The following P2RX6 variants were observed in gnomAD, a reference collection of about 807,000 sequenced individuals.
P2RX6 encodes the protein purinergic receptor P2X 6, also known as P2X purinoceptor 6.
P2RX6 carries 62 observed loss-of-function variants against 54.2 expected under a neutral mutation model. The observed-to-expected ratio is 1.14, with a 90% CI of 0.93 to 1.41. P2RX6 has a LOEUF of 1.41. P2RX6 is among the 40% of genes most tolerant of loss of function. The probability of loss-of-function intolerance (pLI) is 0.00; values close to 1 mark genes in which losing one functional copy is unlikely to be tolerated. For synonymous variants in P2RX6, 211 were observed against 231.9 expected (o/e 0.91, Z 0.82); for missense variants, 541 against 566.3 (o/e 0.96, Z 0.45).
chr22:21,026,600 C>T lies in P2RX6; in HGVS notation c.1309C>T (p.His437Tyr), dbSNP rs1318803768. The change falls in exon 12 of 12, where the codon CAT becomes TAT. Residue 437 changes from histidine to tyrosine, a missense_variant. His to Tyr is a moderately conservative substitution (Grantham distance 83). This residue lies in a region of P2RX6 where 526 missense variants were observed against 531.5 expected (regional missense o/e 0.99). Transcript: ENST00000413302. This position sits in a 1 kb window ranked among gnomAD's most constrained non-coding sequence, Gnocchi z 4.0. The part of the protein sequence containing the change: ...CPSSDTHLPT[H>Y]SGSL Reference sequence around the variant, plus strand: ...AAGTTCTGACACCCACTTGCCAACCCATTCCGGGAGCCTGTAGCCGTTCCC... The same window carrying T: ...AAGTTCTGACACCCACTTGCCAACCTATTCCGGGAGCCTGTAGCCGTTCCC... 6.3e-7 allele frequency: 1 copy of T among 1,586,574 alleles called. No homozygotes were observed. The highest frequency in any genetic ancestry group is 1.8e-5 in the Admixed American group (1 of 56,184).
Position 21,023,134 on chromosome 22 carries a change from C to T in P2RX6, c.574C>T (p.Gln192Ter). The T allele has an allele frequency of 6.2e-7, 1 of 1,613,914 alleles. No homozygotes were observed. Among genetic ancestry groups the T allele is most frequent in the Non-Finnish European group, 8.5e-7 (1 of 1,179,846 alleles). ...GVVPSRPLLA[Q>*]AQNFTLFIKN... ...CACCTGCAGGAGGCCCCTGCTGGCC[C>T]AGGCCCAGAACTTCACACTGTTCAT... The change falls in exon 6 of 12, where the codon CAG becomes TAG. Residue 192 changes from glutamine to a stop codon, truncating the protein, a stop_gained. Coordinates refer to ENST00000413302, the MANE Select transcript of P2RX6 (RefSeq NM_005446.5). LOFTEE classifies it high-confidence loss of function.
chr22:21,014,629 G>A (rs1470164935), upstream of P2RX6, among the ~76,000 whole-genome samples: 1 of 152,150 alleles, frequency 6.6e-6, no homozygotes. Context: ...GGCGGGGGCA[G>A]CTTTTCAGGA....
At position 21,022,863 on chromosome 22, in the gene P2RX6, C is replaced by T. The variant is rs1927670621; in HGVS notation, c.464-79C>T. The T allele has an allele frequency of 6.7e-6, 10 of 1,500,956 alleles. No homozygotes were observed. The East Asian group carries it at 2.3e-4, about 34-fold the overall frequency. 93.0% of individuals were successfully genotyped at this position (1,500,956 alleles called of 1,614,324 possible). On this transcript the variant is annotated intron_variant, in intron 4 of 11. Coordinates refer to ENST00000413302, the MANE Select transcript of P2RX6 (RefSeq NM_005446.5). ...CGCCTCTGTCCCTGCATCTCTCTTTCTGCCAACAACCCCCTGGCTGAAGGC... is the reference window on the plus strand; with the variant it reads ...CGCCTCTGTCCCTGCATCTCTCTTTTTGCCAACAACCCCCTGGCTGAAGGC...
In P2RX6 at chr22:21,025,841, G is replaced by A; in HGVS notation, c.927G>A (p.Glu309=). 1 of 1,567,236 alleles carries A rather than the reference G, an allele frequency of 6.4e-7. No homozygotes were observed. The highest frequency in any genetic ancestry group is 8.6e-7 in the Non-Finnish European group (1 of 1,156,450). The change falls in exon 9 of 12, where the codon GAG becomes GAA. Residue 309 remains glutamate, a synonymous_variant. Transcript: ENST00000413302. ...ATHWWEQPGV[E]ARTLLKLYGI... ...ACTGGTGGGAGCAACCGGGTGTGGA[G>A]GCCCGCACCCTGCTCAAGCTCTATG...
intron 3 of P2RX6, among the ~76,000 whole-genome samples, chr22:21,019,382 C>T (rs755357958): frequency 1.3e-5 from 2 of 152,186 alleles, no homozygotes; most frequent in African/African-American, 2.4e-5. Flanking sequence ...ATGGCACGAT[C>T]TCGGCTCACT....
upstream of P2RX6, chr22:21,015,060 G>A: frequency 1.7e-6 from 1 of 598,582 alleles, no homozygotes; most frequent in South Asian, 2.5e-5. Context: ...GGTGTTGGAG[G>A]CTGGATCTGG....
At position 21,023,591 on chromosome 22, in the gene P2RX6, A is replaced by G; in HGVS notation, c.863A>G (p.Gln288Arg). The change falls in exon 8 of 12, where the codon CAG becomes CGG. Residue 288 changes from glutamine to arginine, a missense_variant. Gln to Arg is a conservative substitution (Grantham distance 43, BLOSUM62 1). Coordinates refer to ENST00000413302, the MANE Select transcript of P2RX6 (RefSeq NM_005446.5). ...GGCTGCTGGCCTCACTACTCCTTCC[A>G]GCTGCAGGAGAAGAGCTACAACTTC... ...DSGCWPHYSF[Q>R]LQEKSYNFRT... 6.2e-7 allele frequency: 1 copy of G among 1,611,724 alleles called. No homozygotes were observed. Among genetic ancestry groups the G allele is most frequent in the South Asian group, 1.1e-5 (1 of 90,548 alleles).
upstream of P2RX6, chr22:21,012,493 ACGCCTGCC>A (rs1403494247): frequency 3.7e-6 from 2 of 536,874 alleles, no homozygotes; most frequent in African/African-American, 1.9e-5. Context: ...GGGAGGACTC[ACGCCTGCC>A]CACCTGCCCC....
rs1234264680 is a variant in P2RX6 at position 21,023,005 on chromosome 22, G to C, written c.527G>C (p.Trp176Ser). ...GTHRTCEIWS[W>S]CPVESGVVPS... ...CACAGGACCTGTGAGATCTGGAGTT[G>C]GTGCCCCGTGGAGAGTGGCGTTGTG... The change falls in exon 5 of 12, where the codon TGG becomes TCG. Residue 176 changes from tryptophan (W) to serine (S), a missense_variant. Trp to Ser is a radical substitution (Grantham distance 177). Around this residue, in one of 2 missense-constraint regions of P2RX6, gnomAD observed 526 missense variants for 531.5 expected, o/e 0.99. Transcript: ENST00000413302. 1 of 1,613,452 alleles carries C rather than the reference G, an allele frequency of 6.2e-7. No homozygotes were observed. The highest frequency in any genetic ancestry group is 1.1e-5 in the South Asian group (1 of 91,064).
At chr22:21,020,068 T>G (rs1601759392) in intron 3 of P2RX6, among the ~76,000 whole-genome samples, 1 of 152,336 alleles carries the variant, frequency 6.6e-6, no homozygotes, top group East Asian at 1.9e-4. Flanking sequence ...CTTCCCAACA[T>G]GAGCCACTGT....
Position 21,026,132 on chromosome 22 carries a change from T to C in P2RX6, c.1050+56T>C. ...CTGCAGTGAGTGCTGCTGACCAGGG[T>C]GTGTCCAATGCATGCTGGAGCCTCC... On this transcript the variant is annotated intron_variant, in intron 10 of 11. Coordinates refer to ENST00000413302, the MANE Select transcript of P2RX6 (RefSeq NM_005446.5). The surrounding 1 kb of genome is among the most constrained non-coding windows in gnomAD (Gnocchi z 4.0). 6.4e-7 allele frequency: 1 copy of C among 1,559,346 alleles called. No individual in the cohort carries two copies. The highest frequency in any genetic ancestry group is 1.2e-5 in the South Asian group (1 of 86,312).
At chr22:21,022,623 T>C (rs573678650) in intron 3 of P2RX6, 53 bp from the exon 4 acceptor site, 2 of 1,339,166 alleles carry the variant, frequency 1.5e-6, no homozygotes, top group Admixed American at 5.7e-5. Context: ...GACTGGGCTG[T>C]GGAGGGGAGA....
At chr22:21,016,450 A>G (rs1196079515) in intron 2 of P2RX6, among the ~76,000 whole-genome samples, 5 of 151,966 alleles carry the variant, frequency 3.3e-5, no homozygotes, top group Non-Finnish European at 7.4e-5. Flanking sequence ...TTAGCCGGGC[A>G]TGGTGGTGGG....
chr22:21,023,959 GT>G (rs35808816), intron 8 of P2RX6, among the ~76,000 whole-genome samples: 59,303 of 142,200 alleles, frequency 0.42, 13,455 homozygotes, highest in East Asian at 0.87. Flanking sequence ...CTTCAGCTTT[GT>G]TTTTTTTTTT....
chr22:21,011,564 C>T (rs1925738061), upstream of P2RX6: 4 of 715,472 alleles, frequency 5.6e-6, no homozygotes, highest in South Asian at 5.9e-5. Flanking sequence ...CCTGCCACTC[C>T]CAGCTGGTTC....
chr22:21,023,133 C>G lies in P2RX6; in HGVS notation c.573C>G (p.Ala191=). The change falls in exon 6 of 12, where the codon GCC becomes GCG. Residue 191 remains alanine, a synonymous_variant. Transcript: ENST00000413302. ...SGVVPSRPLL[A]QAQNFTLFIK... is the part of the protein sequence containing the mutation. ...CCACCTGCAGGAGGCCCCTGCTGGC[C>G]CAGGCCCAGAACTTCACACTGTTCA... 1.2e-5 allele frequency: 20 copies of G among 1,613,938 alleles called. No homozygotes were observed. The highest frequency in any genetic ancestry group is 1.6e-5 in the Non-Finnish European group (19 of 1,179,846).
Position 21,015,259 on chromosome 22 carries a change from A to T in P2RX6, c.85A>T (p.Lys29Ter), listed in dbSNP as rs148541070. The change falls in exon 1 of 12, where the codon AAG becomes TAG. Residue 29 changes from lysine (K) to a stop codon, truncating the protein, a stop_gained. Coordinates refer to ENST00000413302, the MANE Select transcript of P2RX6 (RefSeq NM_005446.5). LOFTEE classifies it high-confidence loss of function. Reference sequence around the variant, plus strand: ...GGGGCTTCTGGATTATAAGACGGAGAAGTATGTGATGACCAGGAACTGGCG... The same window carrying T: ...GGGGCTTCTGGATTATAAGACGGAGTAGTATGTGATGACCAGGAACTGGCG... ...GWGLLDYKTE[K>*]YVMTRNWRVG... is the part of the protein sequence containing the mutation. 5.2e-3 allele frequency: 7,976 copies of T among 1,540,574 alleles called. 36 individuals are homozygous for T. The highest frequency in any genetic ancestry group is 8.3e-3 in the Middle Eastern group (48 of 5,812).
intron 5 of P2RX6, 23 bp downstream of exon 5, chr22:21,023,058 AC>A: frequency 6.2e-7 from 1 of 1,609,068 alleles, no homozygotes; most frequent in Non-Finnish European, 8.5e-7. Context: ...ACAATCCCCT[AC>A]CCCAACTGGC....
upstream of P2RX6, chr22:21,012,377 C>T (rs1925784914): frequency 9.5e-6 from 3 of 316,870 alleles, no homozygotes; most frequent in Non-Finnish European, 6.1e-6. Context: ...CTCCACCCCA[C>T]ATACCCCCTC....
Sources: allele counts gnomAD v4.1 joint callset (sites outside exome capture counted in the v4.1 genomes callset), GRCh38; gene constraint gnomAD v4.1.1; regional missense constraint gnomAD v4.1.1; non-coding constraint Gnocchi (gnomAD v3.1); transcripts MANE v1.5; gene names NCBI Gene and HGNC (gene_info 2026-07-23, HGNC 2026-07-21).